PCSK2: variants seen among roughly 807,000 people sequenced by gnomAD.
The protein encoded by PCSK2 is neuroendocrine convertase 2.
Under a neutral mutation model 69.7 loss-of-function variants are expected in PCSK2, and 14 were observed. The observed-to-expected ratio is 0.20, with a 90% CI of 0.13 to 0.31. The LOEUF is 0.31. Among genes scored for constraint, PCSK2 ranks in the 10% least tolerant of loss-of-function variants. The pLI, the probability that PCSK2 is intolerant of heterozygous loss-of-function variation, is 1.00. For missense variants in PCSK2, 544 were observed against 842.5 expected, an observed-to-expected ratio of 0.65 and a Z score of 4.39; for synonymous variants, 307 against 320.7, an observed-to-expected ratio of 0.96 and a Z score of 0.46.
chr20:17,337,771 T>C (rs202135587), intron 2 of PCSK2, among the ~76,000 whole-genome samples: 2 of 151,386 alleles, frequency 1.3e-5, no homozygotes, highest in Admixed American at 1.3e-4. Context: ...AAAAAAAATG[T>C]TTTTTTAATT....
Position 17,363,462 on chromosome 20 carries a change from C to G in PCSK2, c.505+2822C>G, listed in dbSNP as rs73255646. ...TCACCTATGTAGATATTAGCAAGGA[C>G]CCCATTTAATGATGACAACTTCCGC... On this transcript the variant is annotated intron_variant, in intron 4 of 11. Transcript: ENST00000262545. Among the ~76,000 whole-genome samples the G allele has an allele frequency of 3.0e-3, 454 of 152,270 alleles. 3 individuals are homozygous for G. Among genetic ancestry groups the G allele is most frequent in the African/African-American group, 0.01 (430 of 41,546 alleles).
intron 6 of PCSK2, among the ~76,000 whole-genome samples, chr20:17,410,559 C>T (rs1028286693): frequency 3.3e-5 from 5 of 152,116 alleles, no homozygotes; most frequent in South Asian, 2.1e-4. Flanking sequence ...TTGCTGATGT[C>T]GGATAGCACA....
intron 1 of PCSK2, among the ~76,000 whole-genome samples, chr20:17,238,339 T>C (rs1191287845): frequency 6.6e-6 from 1 of 152,160 alleles, no homozygotes; most frequent in African/African-American, 2.4e-5. Flanking sequence ...ACCTAGCCAA[T>C]CAAGTCTGCA....
intron 8 of PCSK2, among the ~76,000 whole-genome samples, chr20:17,449,113 T>A (rs1022567715): frequency 7.9e-5 from 12 of 152,148 alleles, no homozygotes; most frequent in African/African-American, 2.9e-4. Context: ...TGGCCTCAAG[T>A]GCTCCTCCTG....
At chr20:17,435,688 G>T (rs2032470822) in intron 7 of PCSK2, among the ~76,000 whole-genome samples, 1 of 152,154 alleles carries the variant, frequency 6.6e-6, no homozygotes, top group African/African-American at 2.4e-5. Context: ...TAATCGCAGT[G>T]GGTGGAAAGA....
At chr20:17,283,876 T>A (rs1253846037) in intron 2 of PCSK2, among the ~76,000 whole-genome samples, 3 of 152,180 alleles carry the variant, frequency 2.0e-5, no homozygotes, top group Admixed American at 1.3e-4. Context: ...CCACTTCTCC[T>A]CTACACAAAC....
At chr20:17,452,183 C>T (rs1367890265) in intron 8 of PCSK2, among the ~76,000 whole-genome samples, 2 of 151,972 alleles carry the variant, frequency 1.3e-5, no homozygotes, top group East Asian at 3.9e-4. Flanking sequence ...CCCGGCCACA[C>T]TTTTGCTATT....
At chr20:17,442,955 G>A (rs949981813) in intron 8 of PCSK2, among the ~76,000 whole-genome samples, 8 of 135,758 alleles carry the variant, frequency 5.9e-5, no homozygotes, top group African/African-American at 2.3e-4. Flanking sequence ...GGAAAAGCTG[G>A]AGGAAAAACA....
At chr20:17,434,017 TTCTC>T (rs1262901129) in intron 7 of PCSK2, among the ~76,000 whole-genome samples, 3 of 130,602 alleles carry the variant, frequency 2.3e-5, no homozygotes, top group African/African-American at 5.8e-5. Context: ...TCTCTCTACC[TTCTC>T]TCTCTCTCCT....
intron 2 of PCSK2, among the ~76,000 whole-genome samples, chr20:17,264,739 G>T (rs1388981103): frequency 7.2e-6 from 1 of 139,356 alleles, no homozygotes; most frequent in Non-Finnish European, 1.6e-5. Flanking sequence ...TGTGTGTATT[G>T]TGGCCAAACT....
At chr20:17,376,274 A>G (rs2030922273) in intron 5 of PCSK2, among the ~76,000 whole-genome samples, 1 of 152,246 alleles carries the variant, frequency 6.6e-6, no homozygotes, top group Non-Finnish European at 1.5e-5. Context: ...CAAGCTCAGC[A>G]GAGCTGCCTA....
intron 2 of PCSK2, among the ~76,000 whole-genome samples, chr20:17,288,495 C>T (rs1988593447): frequency 6.6e-6 from 1 of 152,198 alleles, no homozygotes; most frequent in South Asian, 2.1e-4. Flanking sequence ...AATGCCACGG[C>T]TCATGTTCTG....
chr20:17,449,548 G>GTATGTATGTATATATATATATAT (rs1371948893), intron 8 of PCSK2, among the ~76,000 whole-genome samples: 1 of 131,598 alleles, frequency 7.6e-6, no homozygotes, highest in African/African-American at 3.3e-5. Context: ...ATGTATATTT[G>GTATGTATGTATATATATATATAT]AGACTGAGTT....
At chr20:17,401,774 T>C (rs1274080397) in intron 5 of PCSK2, among the ~76,000 whole-genome samples, 1 of 152,214 alleles carries the variant, frequency 6.6e-6, no homozygotes, top group East Asian at 1.9e-4. Flanking sequence ...GTACTGCTAA[T>C]AATACTGTTG....
rs1555795288 is a variant in PCSK2 at position 17,433,814 on chromosome 20, C to CTCTCTCTCTCTCTCTCTCTCTCT, written c.710-2894_710-2893insTCTCTCTCTCTCTCTCTCTCTCT. Among the ~76,000 whole-genome samples, 17 of 70,862 alleles carry CTCTCTCTCTCTCTCTCTCTCTCT rather than the reference C, an allele frequency of 2.4e-4. 4 individuals are homozygous for CTCTCTCTCTCTCTCTCTCTCTCT. The highest frequency in any genetic ancestry group is 1.1e-3 in the African/African-American group (15 of 14,182). The allele number at this position is 70,862 out of a possible 152,430, so 46.5% of individuals were successfully genotyped here. On this transcript the variant is annotated intron_variant, in intron 7 of 11. Transcript: ENST00000262545. Reference sequence around the variant, plus strand: ...CTCTCTCTCTCTCTCTCTCTCTCTCCCCCCACTTCCTTCCCTCCTCCTCCT... The same window carrying CTCTCTCTCTCTCTCTCTCTCTCT: ...CTCTCTCTCTCTCTCTCTCTCTCTCCTCTCTCTCTCTCTCTCTCTCTCTCCCCACTTCCTTCCCTCCTCCTCCT...
chr20:17,410,327 C>T (rs1460304480), intron 6 of PCSK2, among the ~76,000 whole-genome samples: 7 of 152,092 alleles, frequency 4.6e-5, no homozygotes, highest in Non-Finnish European at 8.8e-5. Context: ...TGCTGAGTAT[C>T]ATTTCTATTA....
At chr20:17,470,062 C>T (rs2033174256) in intron 11 of PCSK2, among the ~76,000 whole-genome samples, 2 of 152,152 alleles carry the variant, frequency 1.3e-5, no homozygotes, top group Admixed American at 1.3e-4. Flanking sequence ...AACCACTGTC[C>T]AAATGGGGGA....
intron 2 of PCSK2, among the ~76,000 whole-genome samples, chr20:17,331,998 T>C (rs1990219271): frequency 6.6e-6 from 1 of 152,192 alleles, no homozygotes; most frequent in South Asian, 2.1e-4. Flanking sequence ...TAATTATAGT[T>C]CACACTTACA....
intron 2 of PCSK2, among the ~76,000 whole-genome samples, chr20:17,265,013 G>A (rs1987538857): frequency 6.6e-6 from 1 of 152,108 alleles, no homozygotes; most frequent in African/African-American, 2.4e-5. Flanking sequence ...ATAGGTGCGT[G>A]ACACCACACC....
Sources: allele counts gnomAD v4.1 joint callset (sites outside exome capture counted in the v4.1 genomes callset), GRCh38; gene constraint gnomAD v4.1.1; transcripts MANE v1.5; gene names NCBI Gene and HGNC (gene_info 2026-07-23, HGNC 2026-07-21).